Variants in MERTK observed in about 807,000 individuals in gnomAD.
MERTK encodes tyrosine-protein kinase Mer.
MERTK carries 69 observed loss-of-function variants against 99.3 expected under a neutral mutation model. That is an observed-to-expected ratio of 0.70 (90% CI 0.57 to 0.85). The LOEUF is 0.85. Among genes scored for constraint, MERTK ranks in the 40% least tolerant of loss-of-function variants. The pLI is 0.00. For missense variants in MERTK, 1,125 were observed against 1,249.4 expected (o/e 0.90, Z 1.50); for synonymous variants, 426 against 467.6 (o/e 0.91, Z 1.15).
chr2:111,946,883 T>C (rs1684969786), intron 3 of MERTK, among the ~76,000 whole-genome samples: 1 of 152,214 alleles, frequency 6.6e-6, no homozygotes, highest in Non-Finnish European at 1.5e-5. Flanking sequence ...TGGCTTAAAG[T>C]AGACTGGCAG....
intron 1 of MERTK, among the ~76,000 whole-genome samples, chr2:111,906,334 A>G (rs187932210): frequency 1.4e-3 from 210 of 152,362 alleles, no homozygotes; most frequent in South Asian, 3.9e-3. Context: ...TTAGATACAC[A>G]AAGAAAAGCC....
intron 15 of MERTK, 62 bp from the exon 16 acceptor site, chr2:112,019,351 A>C: frequency 8.0e-7 from 1 of 1,257,292 alleles, no homozygotes; most frequent in Non-Finnish European, 1.2e-6. Context: ...CCCCGGCAGA[A>C]ACTGCTTGCA....
At chr2:111,960,557 T>C (rs1222765264) in intron 4 of MERTK, among the ~76,000 whole-genome samples, 7 of 151,914 alleles carry the variant, frequency 4.6e-5, no homozygotes, top group Non-Finnish European at 1.5e-5. Context: ...AATAAAGTTG[T>C]ACTTATGTTT....
intron 1 of MERTK, among the ~76,000 whole-genome samples, chr2:111,922,224 C>T (rs1267043240): frequency 2.6e-5 from 4 of 152,234 alleles, no homozygotes; most frequent in Non-Finnish European, 4.4e-5. Flanking sequence ...AGGCTGCTTG[C>T]TGCCACATCC....
At chr2:111,964,808 T>C (rs1182878862) in intron 4 of MERTK, among the ~76,000 whole-genome samples, 1 of 152,218 alleles carries the variant, frequency 6.6e-6, no homozygotes, top group Admixed American at 6.5e-5. Flanking sequence ...TTCTGAAATA[T>C]GCATAGCATA....
chr2:111,983,810 G>T (rs1389103215), intron 8 of MERTK, among the ~76,000 whole-genome samples: 9 of 152,208 alleles, frequency 5.9e-5, no homozygotes, highest in Admixed American at 5.2e-4. Context: ...CCCCAGCATG[G>T]CTCGGGGTTG....
intron 8 of MERTK, among the ~76,000 whole-genome samples, chr2:111,991,319 G>T (rs1676610834): frequency 6.6e-6 from 1 of 152,110 alleles, no homozygotes; most frequent in Non-Finnish European, 1.5e-5. Context: ...TCCGTGTCCT[G>T]GGTTAACGCT....
chr2:111,965,351 T>A, intron 5 of MERTK, 74 bp downstream of exon 5: 1 of 1,410,000 alleles, frequency 7.1e-7, no homozygotes, highest in Non-Finnish European at 1.0e-6. Flanking sequence ...TGCAGCTGGC[T>A]GCCTGGGTGT....
At chr2:111,987,683 AAG>A (rs1386842199) in intron 8 of MERTK, among the ~76,000 whole-genome samples, 1 of 152,222 alleles carries the variant, frequency 6.6e-6, no homozygotes, top group African/African-American at 2.4e-5. Context: ...TCTGTGAAAA[AAG>A]AGTTCAGTGA....
In MERTK at chr2:111,918,416, A is replaced by G. The variant is rs577482463; in HGVS notation, c.62-10704A>G. On this transcript the variant is annotated intron_variant, in intron 1 of 18. Transcript: ENST00000295408. Reference sequence around the variant, plus strand: ...GGAGTGGCATGATGGAAAAGTTAACATGAACTGAGCATCTCATCTGGGTCT... The same window carrying G: ...GGAGTGGCATGATGGAAAAGTTAACGTGAACTGAGCATCTCATCTGGGTCT... 7.3e-5 allele frequency among the ~76,000 whole-genome samples: 11 copies of G among 151,502 alleles called. No homozygotes were observed. In the South Asian group the frequency reaches 2.3e-3, roughly 32 times the overall value.
chr2:112,004,448 A>G (rs1172975902), intron 13 of MERTK, among the ~76,000 whole-genome samples: 2 of 152,178 alleles, frequency 1.3e-5, no homozygotes, highest in East Asian at 3.9e-4. Flanking sequence ...CTGCCTGGCA[A>G]GTAAGTTCCC....
At chr2:111,976,834 C>T (rs2104735511) in intron 7 of MERTK, among the ~76,000 whole-genome samples, 1 of 148,712 alleles carries the variant, frequency 6.7e-6, no homozygotes, top group Non-Finnish European at 1.5e-5. Flanking sequence ...GCTTATTAGC[C>T]ATAGCTCTTT....
At chr2:112,003,472 C>T (rs553333206) in intron 12 of MERTK, 15 of 342,604 alleles carry the variant, frequency 4.4e-5, no homozygotes, top group Non-Finnish European at 7.5e-5. Flanking sequence ...TTCCTATGTA[C>T]TTTAAGTTTA....
chr2:111,999,015 A>T (rs943740152), intron 10 of MERTK, among the ~76,000 whole-genome samples: 20 of 152,150 alleles, frequency 1.3e-4, no homozygotes, highest in African/African-American at 2.7e-4. Flanking sequence ...TATTTTTTTA[A>T]AAATCAGATT....
Position 112,029,413 on chromosome 2 carries a change from C to T in MERTK, c.*549C>T, listed in dbSNP as rs13402707. ...AGACTTGAAAGACAGTGGTCGGCAG[C>T]GGCCTTGTGGCCTTTGCAAAGGAAT... On this transcript the variant is annotated 3_prime_UTR_variant, in exon 19 of 19. Coordinates refer to ENST00000295408, the MANE Select transcript of MERTK (RefSeq NM_006343.3). The T allele has an allele frequency of 0.04, 34,819 of 865,210 alleles. 968 individuals carry two copies. The highest frequency in any genetic ancestry group is 0.14 in the African/African-American group (7,447 of 54,690). The allele number at this position is 865,210 out of a possible 1,614,324, so 53.6% of individuals were successfully genotyped here.
At chr2:111,985,716 A>G (rs1236880321) in intron 8 of MERTK, among the ~76,000 whole-genome samples, 1 of 152,164 alleles carries the variant, frequency 6.6e-6, no homozygotes, top group African/African-American at 2.4e-5. Context: ...TTATAAAACC[A>G]TAGGATCTCA....
chr2:112,009,537 A>G (rs542109745), intron 14 of MERTK, among the ~76,000 whole-genome samples: 3 of 152,336 alleles, frequency 2.0e-5, no homozygotes, highest in African/African-American at 4.8e-5. Flanking sequence ...GCCCTAGTTC[A>G]ATACTAGTTC....
chr2:111,902,183 C>A (rs1256273718), intron 1 of MERTK, among the ~76,000 whole-genome samples: 1 of 152,328 alleles, frequency 6.6e-6, no homozygotes, highest in African/African-American at 2.4e-5. Context: ...CCACACCCAG[C>A]CAATAATTAT....
intron 8 of MERTK, among the ~76,000 whole-genome samples, chr2:111,993,697 C>T (rs377610972): frequency 1.1e-4 from 17 of 151,626 alleles, no homozygotes; most frequent in African/African-American, 2.9e-4. Flanking sequence ...AAATAACATA[C>T]AAATAAAAGT....
Sources: gnomAD v4.1 joint callset for allele counts (sites outside exome capture counted in the v4.1 genomes callset) on GRCh38, gnomAD v4.1.1 for gene constraint, MANE v1.5 for transcripts, NCBI Gene and HGNC (gene_info 2026-07-23, HGNC 2026-07-21) for gene names.